The following ZNF718 variants were observed in gnomAD, a reference collection of about 807,000 sequenced individuals.
ZNF718 encodes the protein zinc finger protein 718.
Under a neutral mutation model 2.6 loss-of-function variants are expected in ZNF718, and 3 were observed. The ratio of observed to expected loss-of-function variants is 1.16; its 90% CI spans 0.53 to 3.01. The LOEUF (loss-of-function observed/expected upper bound fraction) is 3.01, where lower values mean the gene tolerates loss of function less well. ZNF718 is among the 30% of genes most tolerant of loss of function. The pLI is 0.03. For missense variants in ZNF718, 468 were observed against 230.0 expected (o/e 2.03, Z -6.69); for synonymous variants, 135 against 77.9 (o/e 1.73, Z -3.86).
At chr4:192,166 T>C (rs1331601469) in intron 3 of ZNF718, among the ~76,000 whole-genome samples, 1 of 152,086 alleles carries the variant, frequency 6.6e-6, no homozygotes, top group Non-Finnish European at 1.5e-5. Flanking sequence ...CAGTGGTGGA[T>C]GGCAAGCGAT....
intron 3 of ZNF718, among the ~76,000 whole-genome samples, chr4:156,532 C>T (rs1716575787): frequency 6.6e-6 from 1 of 150,948 alleles, no homozygotes; most frequent in African/African-American, 2.5e-5. Flanking sequence ...ATTTTTAATA[C>T]TCAGTCATAT....
At chr4:133,040 G>C (rs1715384069) in intron 3 of ZNF718, among the ~76,000 whole-genome samples, 1 of 96,074 alleles carries the variant, frequency 1.0e-5, no homozygotes, top group African/African-American at 3.6e-5. Flanking sequence ...AGCCTGGCAT[G>C]GTTGTGCGCA....
rs782716618 is a variant in ZNF718 at position 161,488 on chromosome 4, C to T, written c.803C>T (p.Ser268Leu). 1.3e-6 allele frequency: 1 copy of T among 776,594 alleles called. No homozygotes were observed. Among genetic ancestry groups the T allele is most frequent in the Non-Finnish European group, 2.4e-6 (1 of 414,478 alleles). The allele number at this position is 776,594 out of a possible 1,614,324, so 48.1% of individuals were successfully genotyped here. A position where few individuals can be genotyped will look rare whatever the true frequency, so the allele number is the denominator to read the frequency against. The change falls in exon 4 of 4, where the codon TCA (serine) becomes TTA (leucine). Residue 268 changes from serine to leucine, a missense_variant. Ser to Leu is a moderately radical substitution (Grantham distance 145). Coordinates refer to ENST00000510175, the MANE Select transcript of ZNF718 (RefSeq NM_001039127.6). The stretch of plus-strand genomic sequence containing the variant: ...TGTGGTAAAGCTTTTAACCAATCCT[C>T]AACCCTTAATTTACATAAGAGAATT... ...EKCGKAFNQS[S>L]TLNLHKRIHS...
chr4:148,813 A>C (rs1716187689), intron 3 of ZNF718, among the ~76,000 whole-genome samples: 1 of 152,084 alleles, frequency 6.6e-6, no homozygotes, highest in African/African-American at 2.4e-5. Flanking sequence ...CCTGAGACAC[A>C]GGACATTATG....
intron 3 of ZNF718, among the ~76,000 whole-genome samples, chr4:145,571 T>C (rs1553811073): frequency 2.6e-5 from 4 of 152,254 alleles, no homozygotes; most frequent in Non-Finnish European, 2.9e-5. Flanking sequence ...CAAGCAATCT[T>C]CCCACCTTAC....
At chr4:151,922 A>G (rs1284653198) in intron 3 of ZNF718, among the ~76,000 whole-genome samples, 3 of 151,272 alleles carry the variant, frequency 2.0e-5, no homozygotes, top group Non-Finnish European at 2.9e-5. Context: ...TTTATTGATC[A>G]TCCGTGGGTG....
Position 147,343 on chromosome 4 carries a change from G to A in ZNF718, c.227-13569G>A, listed in dbSNP as rs1553811581. On this transcript the variant is annotated intron_variant, in intron 3 of 3. Coordinates refer to ENST00000510175, the MANE Select transcript of ZNF718 (RefSeq NM_001039127.6). ...TAAGGATGTCCTTGCGTCTGAAGAA[G>A]CAAATGCCTCTTTCAGTTACTATAA... 2.6e-5 allele frequency among the ~76,000 whole-genome samples: 4 copies of A among 152,290 alleles called. No homozygotes were observed. The East Asian group carries it at 5.8e-4, about 22-fold the overall frequency.
intron 3 of ZNF718, among the ~76,000 whole-genome samples, chr4:197,396 C>G (rs1241596249): frequency 6.6e-6 from 1 of 152,086 alleles, no homozygotes; most frequent in African/African-American, 2.4e-5. Flanking sequence ...GGAACTGGAA[C>G]ACAGGACTCT....
At chr4:196,134 T>C (rs28587427) in intron 3 of ZNF718, among the ~76,000 whole-genome samples, 2,144 of 152,292 alleles carry the variant, frequency 0.014, 54 homozygotes, top group African/African-American at 0.049. Context: ...GTTAAAGTAC[T>C]GGGTTATCAC....
Position 161,645 on chromosome 4 carries a change from TACC to T in ZNF718, c.963_965del (p.Thr322del). The T allele has an allele frequency of 1.3e-6, 1 of 780,006 alleles. No individual in the cohort carries two copies. Among genetic ancestry groups the T allele is most frequent in the Non-Finnish European group, 2.4e-6 (1 of 417,506 alleles). 48.3% of individuals were successfully genotyped at this position (780,006 alleles called of 1,614,324 possible). On this transcript the variant is annotated inframe_deletion, in exon 4 of 4. Transcript: ENST00000510175. ...CATGCGAAGAATGTGGCAATGTCTT[TACC>T]ACATCCTCAGACTTTGCTAAACATA...
intron 3 of ZNF718, among the ~76,000 whole-genome samples, chr4:169,606 T>C (rs563815447): frequency 3.3e-5 from 5 of 152,352 alleles, no homozygotes; most frequent in Admixed American, 6.5e-5. Flanking sequence ...CATTATGTAA[T>C]GACCTTCTTT....
intron 3 of ZNF718, among the ~76,000 whole-genome samples, chr4:155,555 G>T (rs572854137): frequency 6.6e-6 from 1 of 152,234 alleles, no homozygotes; most frequent in African/African-American, 2.4e-5. Context: ...GCCTTGCATG[G>T]GGCCTCTAAC....
At chr4:147,722 G>T (rs1553811682) in intron 3 of ZNF718, among the ~76,000 whole-genome samples, 1 of 152,160 alleles carries the variant, frequency 6.6e-6, no homozygotes, top group African/African-American at 2.4e-5. Context: ...AAATTAGCCA[G>T]TCGTGGCAGT....
intron 3 of ZNF718, among the ~76,000 whole-genome samples, chr4:140,921 A>G (rs1333766512): frequency 6.6e-6 from 1 of 152,226 alleles, no homozygotes; most frequent in Admixed American, 6.5e-5. Flanking sequence ...TGCCTTCATA[A>G]TTATCAGCAT....
intron 3 of ZNF718, chr4:149,885 A>G (rs1716238425): frequency 1.3e-5 from 2 of 152,154 alleles, no homozygotes. Context: ...TAGTTATAAA[A>G]AAATAAAATT....
rs201112203 is a variant in ZNF718, at chr4:175,842, G to A, written c.227-25239G>A. ...TGGTCTCTATCTCTAATACTCTTTG[G>A]ATTAACAGTCTTTTTTTTTTTTTTT... On this transcript the variant is annotated intron_variant and NMD_transcript_variant, in intron 3 of 4. Coordinates refer to the ZNF718 transcript ENST00000642529. Among the ~76,000 whole-genome samples the A allele has an allele frequency of 2.7e-5, 4 of 146,436 alleles. No homozygotes were observed. In the East Asian group the frequency reaches 8.0e-4, roughly 29 times the overall value.
At chr4:192,335 C>G (rs1165538283) in intron 3 of ZNF718, among the ~76,000 whole-genome samples, 6 of 152,200 alleles carry the variant, frequency 3.9e-5, no homozygotes, top group Admixed American at 3.9e-4. Flanking sequence ...TGTCCCTCCC[C>G]CTGTGCTCTC....
chr4:150,782 C>G (rs1716281420), intron 3 of ZNF718, among the ~76,000 whole-genome samples: 1 of 151,900 alleles, frequency 6.6e-6, no homozygotes, highest in Non-Finnish European at 1.5e-5. Context: ...CTTTTATATG[C>G]TCCAGCAATA....
chr4:162,180 A>G lies in ZNF718; in HGVS notation c.*58A>G. On this transcript the variant is annotated 3_prime_UTR_variant, in exon 4 of 4. Coordinates refer to ENST00000510175, the MANE Select transcript of ZNF718 (RefSeq NM_001039127.6). Reference sequence around the variant, plus strand: ...CCTCAGTCTTTTCTAATCATAATTCATACTGGAGAGAAACTCTACACATGA... The same window carrying G: ...CCTCAGTCTTTTCTAATCATAATTCGTACTGGAGAGAAACTCTACACATGA... 1.6e-6 allele frequency: 1 copy of G among 626,974 alleles called. No homozygotes were observed. The highest frequency in any genetic ancestry group is 2.6e-5 in the East Asian group (1 of 38,630). The allele number at this position is 626,974 out of a possible 1,614,324, so 38.8% of individuals were successfully genotyped here.
Sources: gnomAD v4.1 joint callset for allele counts (sites outside exome capture counted in the v4.1 genomes callset) on GRCh38, gnomAD v4.1.1 for gene constraint, MANE v1.5 for transcripts, NCBI Gene and HGNC (gene_info 2026-07-23, HGNC 2026-07-21) for gene names.